Variants in MLLT3 observed in about 807,000 individuals in gnomAD.
The protein encoded by MLLT3 is MLLT3 super elongation complex subunit, also known as protein AF-9.
Under a neutral mutation model 53.2 loss-of-function variants are expected in MLLT3, and 4 were observed. The observed-to-expected ratio is 0.08, with a 90% CI of 0.04 to 0.17. The LOEUF (loss-of-function observed/expected upper bound fraction) is 0.17, where lower values mean the gene tolerates loss of function less well. MLLT3 is among the 10% of genes least tolerant of loss of function. The probability of loss-of-function intolerance (pLI) is 1.00; values close to 1 mark genes in which losing one functional copy is unlikely to be tolerated. For synonymous variants in MLLT3, 283 were observed against 230.6 expected (o/e 1.23, Z -2.06); for missense variants, 569 against 684.0 (o/e 0.83, Z 1.87).
At chr9:20,406,891 C>T (rs1822592443) in intron 5 of MLLT3, among the ~76,000 whole-genome samples, 1 of 152,224 alleles carries the variant, frequency 6.6e-6, no homozygotes, top group South Asian at 2.1e-4. Context: ...TATCACTGCA[C>T]AATCACCTTT....
At chr9:20,420,941 G>C (rs1440222222) in intron 4 of MLLT3, among the ~76,000 whole-genome samples, 1 of 152,084 alleles carries the variant, frequency 6.6e-6, no homozygotes, top group Non-Finnish European at 1.5e-5. Context: ...TGTTTGTATA[G>C]ATTACATTGG....
intron 5 of MLLT3, chr9:20,410,417 C>T (rs970553882): frequency 6.6e-6 from 1 of 152,042 alleles, no homozygotes; most frequent in South Asian, 2.1e-4. Context: ...AAAGAAGATA[C>T]TATTATGATC....
At chr9:20,588,888 C>T (rs1032119310) in intron 2 of MLLT3, among the ~76,000 whole-genome samples, 3 of 151,670 alleles carry the variant, frequency 2.0e-5, no homozygotes, top group Non-Finnish European at 1.5e-5. Flanking sequence ...CAATGAGATA[C>T]CATCTCACAC....
intron 2 of MLLT3, among the ~76,000 whole-genome samples, chr9:20,619,422 C>T (rs1258650964): frequency 3.3e-5 from 5 of 152,200 alleles, no homozygotes; most frequent in Non-Finnish European, 5.9e-5. Context: ...ACCTCTGCCA[C>T]CTCTAAGGCA....
At chr9:20,413,604 C>T (rs1586930685) in intron 5 of MLLT3, 117 bp downstream of exon 5, 6 of 833,474 alleles carry the variant, frequency 7.2e-6, no homozygotes, top group Non-Finnish European at 1.1e-5. Flanking sequence ...AGATCTACCT[C>T]TGTGCTACCA....
chr9:20,387,330 A>G lies in MLLT3; in HGVS notation c.1126-21586T>C, dbSNP rs191921607. Among the ~76,000 whole-genome samples, 563 of 152,340 alleles carry G rather than the reference A, an allele frequency of 3.7e-3. 1 individual carries two copies. The highest frequency in any genetic ancestry group is 5.8e-3 in the Non-Finnish European group (392 of 68,042). On this transcript the variant is annotated intron_variant, in intron 5 of 10. Transcript: ENST00000380338. ...GGCTGTTTTTGCTGATCCCTGCTCC[A>G]TGGGTACTTAGTACAGCAATATCAC... is the stretch of plus-strand genomic sequence containing the variant.
intron 2 of MLLT3, among the ~76,000 whole-genome samples, chr9:20,467,758 A>G (rs1009629634): frequency 2.6e-5 from 4 of 152,240 alleles, no homozygotes; most frequent in Admixed American, 6.5e-5. Context: ...AAGACTAAAT[A>G]CGAAGAAAGA....
chr9:20,593,397 A>C (rs1820175987), intron 2 of MLLT3, among the ~76,000 whole-genome samples: 1 of 152,222 alleles, frequency 6.6e-6, no homozygotes, highest in Non-Finnish European at 1.5e-5. Context: ...TAGCATCAAG[A>C]AAGTCTTATC....
intron 2 of MLLT3, among the ~76,000 whole-genome samples, chr9:20,596,621 C>G (rs774126332): frequency 6.6e-6 from 1 of 152,260 alleles, no homozygotes; most frequent in Non-Finnish European, 1.5e-5. Flanking sequence ...AGCCCAGGAG[C>G]TGGAGGTTGC....
rs560123585 is a variant in MLLT3, at chr9:20,502,013, G to A, written c.194-45227C>T. Among the ~76,000 whole-genome samples, 116 of 147,918 alleles carry A rather than the reference G, an allele frequency of 7.8e-4. 1 individual carries two copies. The highest frequency in any genetic ancestry group is 4.3e-3 in the South Asian group (20 of 4,632). ...GGAGATTCACTTGAACATGGGAGGC[G>A]GAGGTTGCAGTAAGCCAATATGGTG... On this transcript the variant is annotated intron_variant, in intron 2 of 10. Coordinates refer to ENST00000380338, the MANE Select transcript of MLLT3 (RefSeq NM_004529.4).
At chr9:20,510,150 G>C (rs982347632) in intron 2 of MLLT3, among the ~76,000 whole-genome samples, 15 of 152,002 alleles carry the variant, frequency 9.9e-5, no homozygotes, top group Admixed American at 9.8e-4. Context: ...GAAAATATGT[G>C]TAACACATCT....
Position 20,342,132 on chromosome 9 carries a change from G to A in MLLT3, c.*4311C>T, listed in dbSNP as rs1235767594. The A allele has an allele frequency of 9.3e-6, 2 of 215,052 alleles. No homozygotes were observed. Among genetic ancestry groups the A allele is most frequent in the African/African-American group, 2.3e-5 (1 of 44,316 alleles). 13.3% of individuals were successfully genotyped at this position (215,052 alleles called of 1,614,324 possible). On this transcript the variant is annotated 3_prime_UTR_variant, in exon 11 of 11. Coordinates refer to ENST00000380338, the MANE Select transcript of MLLT3 (RefSeq NM_004529.4). ...AAAAGGCTAGGGGCTAATTTTTCCT[G>A]TATGCAAAATAAAGCCAAACTTTGG...
At chr9:20,583,862 G>A (rs745954483) in intron 2 of MLLT3, among the ~76,000 whole-genome samples, 5 of 152,200 alleles carry the variant, frequency 3.3e-5, no homozygotes, top group Non-Finnish European at 5.9e-5. Flanking sequence ...AACATGGCCT[G>A]AAGACATTTT....
chr9:20,616,173 T>C (rs1195641132), intron 2 of MLLT3, among the ~76,000 whole-genome samples: 2 of 152,142 alleles, frequency 1.3e-5, no homozygotes, highest in African/African-American at 2.4e-5. Context: ...TATGAGGTAA[T>C]AGTTCTATTT....
intron 2 of MLLT3, among the ~76,000 whole-genome samples, chr9:20,613,659 G>T (rs1012501980): frequency 2.9e-4 from 44 of 151,272 alleles, no homozygotes; most frequent in African/African-American, 1.1e-3. Context: ...AAAGACAAAC[G>T]GTAAATAAAT....
intron 2 of MLLT3, among the ~76,000 whole-genome samples, chr9:20,525,420 C>G (rs914667366): frequency 6.6e-6 from 1 of 152,124 alleles, no homozygotes; most frequent in Non-Finnish European, 1.5e-5. Flanking sequence ...TGCTTGAACC[C>G]GGAAGGCGGA....
At chr9:20,537,034 C>CCCTG (rs1323499960) in intron 2 of MLLT3, among the ~76,000 whole-genome samples, 2 of 152,120 alleles carry the variant, frequency 1.3e-5, no homozygotes, top group Admixed American at 1.3e-4. Context: ...AACCTAGGTG[C>CCCTG]CCTGCATTGC....
In MLLT3 at chr9:20,621,027, C is replaced by G. The variant is rs767176622; in HGVS notation, c.13-193G>C. 9.5e-6 allele frequency: 7 copies of G among 734,724 alleles called. No individual in the cohort carries two copies. Among genetic ancestry groups the G allele is most frequent in the Non-Finnish European group, 1.7e-5 (7 of 419,884 alleles). The allele number at this position is 734,724 out of a possible 1,614,324, so 45.5% of individuals were successfully genotyped here. ...CCCAAATATACCCGCCCGCCCGGCC[C>G]GGCTTGGCCCCAGGCGCCCCGGGCC... is the stretch of plus-strand genomic sequence containing the variant. On this transcript the variant is annotated intron_variant, in intron 1 of 10. Coordinates refer to ENST00000380338, the MANE Select transcript of MLLT3 (RefSeq NM_004529.4). This position sits in a 1 kb window ranked among gnomAD's most constrained non-coding sequence, Gnocchi z 7.0.
At chr9:20,521,242 T>C (rs958584319) in intron 2 of MLLT3, among the ~76,000 whole-genome samples, 4 of 152,130 alleles carry the variant, frequency 2.6e-5, no homozygotes, top group Non-Finnish European at 4.4e-5. Flanking sequence ...GGCTACTTTT[T>C]GTACTTTTAG....
Sources: allele counts gnomAD v4.1 joint callset (sites outside exome capture counted in the v4.1 genomes callset), GRCh38; gene constraint gnomAD v4.1.1; non-coding constraint Gnocchi (gnomAD v3.1); transcripts MANE v1.5; gene names NCBI Gene and HGNC (gene_info 2026-07-23, HGNC 2026-07-21).